Variants in NCKAP5 observed in about 807,000 individuals in gnomAD.
NCKAP5 encodes nck-associated protein 5.
NCKAP5 carries 92 observed loss-of-function variants against 167.0 expected under a neutral mutation model. That is an observed-to-expected ratio of 0.55 (90% CI 0.47 to 0.66). The LOEUF (loss-of-function observed/expected upper bound fraction) is 0.66, where lower values mean the gene tolerates loss of function less well. Ranked by LOEUF, NCKAP5 falls within the 30% of genes least tolerant of loss-of-function variation. NCKAP5 has a pLI of 0.00. For synonymous variants in NCKAP5, 891 were observed against 877.4 expected, an observed-to-expected ratio of 1.02 and a Z score of -0.27; for missense variants, 2,378 against 2,315.0, an observed-to-expected ratio of 1.03 and a Z score of -0.56.
intron 5 of NCKAP5, among the ~76,000 whole-genome samples, chr2:133,134,161 C>T (rs531469174): frequency 4.0e-4 from 61 of 152,290 alleles, no homozygotes; most frequent in African/African-American, 1.3e-3. Context: ...GTGTGCATTA[C>T]GAGCCACAAC....
At chr2:133,256,265 C>A (rs893127484) in intron 4 of NCKAP5, among the ~76,000 whole-genome samples, 1 of 151,584 alleles carries the variant, frequency 6.6e-6, no homozygotes, top group Non-Finnish European at 1.5e-5. Context: ...GGAGCCTTAC[C>A]CCCTCTATTG....
At chr2:133,277,112 C>T (rs1384953361) in intron 4 of NCKAP5, among the ~76,000 whole-genome samples, 1 of 152,124 alleles carries the variant, frequency 6.6e-6, no homozygotes, top group Non-Finnish European at 1.5e-5. Context: ...TTGAGACACT[C>T]CATTTGATCA....
chr2:132,887,338 T>C (rs1162435696), intron 8 of NCKAP5, among the ~76,000 whole-genome samples: 1 of 107,630 alleles, frequency 9.3e-6, no homozygotes, highest in African/African-American at 6.1e-5. Flanking sequence ...TATCTATCTA[T>C]CTATCTATCT....
chr2:133,233,748 C>G (rs1462519016), intron 4 of NCKAP5, among the ~76,000 whole-genome samples: 1 of 152,288 alleles, frequency 6.6e-6, no homozygotes, highest in East Asian at 1.9e-4. Flanking sequence ...ATTCTACATG[C>G]TTTTACATGC....
chr2:133,639,671 C>A, the NCKAP5 span, among the ~76,000 whole-genome samples: 13 of 152,180 alleles, frequency 8.5e-5, no homozygotes, highest in Admixed American at 7.8e-4. Context: ...CCTGATGAAA[C>A]CCTTTTGTAG....
chr2:133,239,385 C>T (rs556138323), intron 4 of NCKAP5, among the ~76,000 whole-genome samples: 1 of 152,052 alleles, frequency 6.6e-6, no homozygotes, highest in African/African-American at 2.4e-5. Context: ...ATGAAACAAG[C>T]AGTTATGATA....
chr2:133,408,175 A>G (rs1688556903), intron 3 of NCKAP5, among the ~76,000 whole-genome samples: 1 of 152,156 alleles, frequency 6.6e-6, no homozygotes, highest in African/African-American at 2.4e-5. Flanking sequence ...GGGGCAAACC[A>G]TCTGATTGAA....
intron 11 of NCKAP5, among the ~76,000 whole-genome samples, chr2:132,810,188 C>T (rs530585804): frequency 7.2e-5 from 11 of 152,176 alleles, no homozygotes; most frequent in Non-Finnish European, 1.2e-4. Context: ...TCTAGGTTAC[C>T]TGGTGCCTCT....
intron 3 of NCKAP5, among the ~76,000 whole-genome samples, chr2:133,515,981 C>T (rs2151435159): frequency 6.6e-6 from 1 of 152,292 alleles, no homozygotes; most frequent in East Asian, 1.9e-4. Context: ...TTATGTTTAA[C>T]TTTATAGGGT....
intron 6 of NCKAP5, among the ~76,000 whole-genome samples, chr2:133,030,821 G>A (rs2149422343): frequency 6.6e-6 from 1 of 152,208 alleles, no homozygotes; most frequent in Admixed American, 6.5e-5. Flanking sequence ...CAAGGTGTCA[G>A]TAGGGCCATA....
intron 15 of NCKAP5, among the ~76,000 whole-genome samples, chr2:132,775,272 A>G (rs183926219): frequency 2.0e-5 from 3 of 152,268 alleles, no homozygotes; most frequent in Admixed American, 6.5e-5. Context: ...TTTGCCTCCT[A>G]TTTTTCATAC....
the NCKAP5 span, among the ~76,000 whole-genome samples, chr2:133,607,355 T>C: frequency 6.6e-6 from 1 of 152,158 alleles, no homozygotes; most frequent in African/African-American, 2.4e-5. Flanking sequence ...AGGTAGAGTG[T>C]CTCCACTTGG....
chr2:133,632,754 C>T, the NCKAP5 span, among the ~76,000 whole-genome samples: 42 of 152,230 alleles, frequency 2.8e-4, 1 homozygote, highest in African/African-American at 7.7e-4. Flanking sequence ...CTCTCTTCCA[C>T]GCTGCCACTC....
intron 5 of NCKAP5, among the ~76,000 whole-genome samples, chr2:133,179,053 A>T (rs1229360135): frequency 2.6e-5 from 4 of 152,198 alleles, no homozygotes; most frequent in African/African-American, 7.2e-5. Context: ...ATGTAGACCT[A>T]GCTACTCAGG....
the NCKAP5 span, among the ~76,000 whole-genome samples, chr2:133,650,296 A>G: frequency 2.0e-5 from 3 of 152,168 alleles, no homozygotes; most frequent in African/African-American, 7.2e-5. Context: ...ACTCAAAGTG[A>G]TCTACAGATT....
At chr2:133,094,483 A>C (rs1271303792) in intron 6 of NCKAP5, among the ~76,000 whole-genome samples, 1 of 152,182 alleles carries the variant, frequency 6.6e-6, no homozygotes, top group Non-Finnish European at 1.5e-5. Flanking sequence ...ACAACTCCTT[A>C]TTACAAATTT....
intron 16 of NCKAP5, among the ~76,000 whole-genome samples, chr2:132,751,130 G>C (rs114692451): frequency 4.6e-5 from 7 of 152,198 alleles, no homozygotes; most frequent in African/African-American, 1.7e-4. Context: ...GGTGGGAGGC[G>C]TTTGGATCAT....
chr2:133,278,780 T>TAAAAA (rs1419250542), intron 4 of NCKAP5, among the ~76,000 whole-genome samples: 1 of 57,758 alleles, frequency 1.7e-5, no homozygotes. Flanking sequence ...ATCCCTAAAC[T>TAAAAA]ACAAAAAAAA....
the NCKAP5 span, among the ~76,000 whole-genome samples, chr2:133,622,882 A>G: frequency 6.6e-6 from 1 of 152,172 alleles, no homozygotes; most frequent in African/African-American, 2.4e-5. Flanking sequence ...CGGAGTCATC[A>G]CATTACTCAA....
Sources: allele counts gnomAD v4.1 joint callset (sites outside exome capture counted in the v4.1 genomes callset), GRCh38; gene constraint gnomAD v4.1.1; transcripts MANE v1.5; gene names NCBI Gene and HGNC (gene_info 2026-07-23, HGNC 2026-07-21).